ZNF687: variants seen among roughly 807,000 people sequenced by gnomAD.
ZNF687 encodes zinc finger protein 687.
A neutral mutation model predicts 71.8 loss-of-function variants in ZNF687; 13 were observed. That is an observed-to-expected ratio of 0.18 (90% CI 0.12 to 0.29). The LOEUF (loss-of-function observed/expected upper bound fraction) is 0.29. Ranked by LOEUF, ZNF687 falls within the 10% of genes least tolerant of loss-of-function variation. ZNF687 has a pLI of 1.00. For synonymous variants in ZNF687, 673 were observed against 641.6 expected (o/e 1.05, Z -0.74); for missense variants, 1,412 against 1,625.6 (o/e 0.87, Z 2.26).
chr1:151,287,699 G>A lies in ZNF687; in HGVS notation c.1408G>A (p.Val470Met). 1.9e-6 allele frequency: 3 copies of A among 1,613,704 alleles called. No individual in the cohort carries two copies. The highest frequency in any genetic ancestry group is 2.5e-6 in the Non-Finnish European group (3 of 1,179,860). Residue 470 changes from valine to methionine, a missense_variant, in exon 2 of 9, where the codon GTG (valine) becomes ATG (methionine). Around this residue, in one of 8 missense-constraint regions of ZNF687, gnomAD observed 133 missense variants for 155.1 expected, o/e 0.86. Coordinates refer to ENST00000336715, the MANE Select transcript of ZNF687 (RefSeq NM_020832.3). The surrounding 1 kb of genome is among the most constrained non-coding windows in gnomAD (Gnocchi z 5.0). ...TGGQKVNGASVVMVQPSKTAT... is the reference protein window; with the variant it reads ...TGGQKVNGASMVMVQPSKTAT... ...GGGACAGAAGGTGAATGGTGCCTCG[G>A]TGGTGATGGTGCAACCTTCAAAGAC...
chr1:151,287,376 G>C lies in ZNF687; in HGVS notation c.1085G>C (p.Gly362Ala), dbSNP rs767360325. ...DPDPPAPLAEGAFLAEASLLK... is the reference protein window; with the variant it reads ...DPDPPAPLAEAAFLAEASLLK... ...GATCCACCTGCCCCCTTGGCTGAGG[G>C]GGCCTTCTTGGCTGAGGCTAGCCTC... The change falls in exon 2 of 9, where the codon GGG (glycine) becomes GCG (alanine). Residue 362 changes from glycine (G) to alanine (A), a missense_variant. Around this residue, in one of 8 missense-constraint regions of ZNF687, gnomAD observed 490 missense variants for 489.9 expected, o/e 1.00. Transcript: ENST00000336715. The surrounding 1 kb of genome is among the most constrained non-coding windows in gnomAD (Gnocchi z 5.0). 1.9e-6 allele frequency: 3 copies of C among 1,614,160 alleles called. No homozygotes were observed. In the East Asian group the frequency reaches 6.7e-5, roughly 36 times the overall value.
chr1:151,290,675 G>A (rs1481216769), intron 8 of ZNF687, 40 bp from the exon 9 acceptor site: 1 of 1,581,412 alleles, frequency 6.3e-7, no homozygotes, highest in Admixed American at 1.8e-5. Flanking sequence ...AGGGACAGTA[G>A]GGGTGGTGGT....
In ZNF687 at chr1:151,286,944, T is replaced by C. The variant is rs772151607; in HGVS notation, c.653T>C (p.Leu218Ser). The change falls in exon 2 of 9, where the codon TTG (leucine) becomes TCG (serine). Residue 218 changes from leucine (L) to serine (S), a missense_variant. Coordinates refer to ENST00000336715, the MANE Select transcript of ZNF687 (RefSeq NM_020832.3). The part of the protein sequence containing the change: ...GMQPPVSSPP[L>S]GALKQESCSP... ...CAGCCACCTGTTTCTTCCCCACCATTGGGGGCCTTGAAGCAGGAGAGCTGC... is the reference window on the plus strand; with the variant it reads ...CAGCCACCTGTTTCTTCCCCACCATCGGGGGCCTTGAAGCAGGAGAGCTGC... 11 of 1,611,484 alleles carry C rather than the reference T, an allele frequency of 6.8e-6. No individual in the cohort carries two copies. In the East Asian group the frequency reaches 1.8e-4, roughly 26 times the overall value.
chr1:151,284,726 T>TA (rs1408316204), intron 1 of ZNF687, among the ~76,000 whole-genome samples: 1 of 152,052 alleles, frequency 6.6e-6, no homozygotes, highest in Non-Finnish European at 1.5e-5. Flanking sequence ...GTGGGATTCT[T>TA]ACATTAGCAA....
chr1:151,287,966 A>G lies in ZNF687; in HGVS notation c.1675A>G (p.Ile559Val), dbSNP rs1407903784. The stretch of plus-strand genomic sequence containing the variant: ...GCACTATGACCGTCGGAGCATGCGC[A>G]TCGAGGTCACCTGCAACCACTGCGC... ...ARHYDRRSMR[I>V]EVTCNHCARR... Residue 559 changes from isoleucine to valine, a missense_variant, in exon 2 of 9, where the codon ATC (isoleucine) becomes GTC (valine). By Grantham distance (29) the Ile-to-Val change is conservative. Transcript: ENST00000336715. This position sits in a 1 kb window ranked among gnomAD's most constrained non-coding sequence, Gnocchi z 5.0. 6.2e-6 allele frequency: 10 copies of G among 1,613,706 alleles called. No homozygotes were observed. Among genetic ancestry groups the G allele is most frequent in the African/African-American group, 1.3e-5 (1 of 74,884 alleles).
Position 151,289,830 on chromosome 1 carries a change from G to A in ZNF687, c.2787G>A (p.Glu929=), listed in dbSNP as rs759674876. The change falls in exon 6 of 9, where the codon GAG becomes GAA. Residue 929 remains glutamate, a synonymous_variant. Transcript: ENST00000336715. ...TEESSSSSEE[E]EVPSSPEPPR... ...AGTCGTCTTCATCTTCAGAAGAGGAGGAAGTACCCAGCTCCCCTGAGCCCC... is the reference window on the plus strand; with the variant it reads ...AGTCGTCTTCATCTTCAGAAGAGGAAGAAGTACCCAGCTCCCCTGAGCCCC... The A allele has an allele frequency of 6.4e-7, 1 of 1,569,846 alleles. No homozygotes were observed. The highest frequency in any genetic ancestry group is 1.2e-5 in the South Asian group (1 of 85,892).
At position 151,291,557 on chromosome 1, in the gene ZNF687, C is replaced by T. The variant is rs1349982328; in HGVS notation, c.*348C>T. The T allele has an allele frequency of 9.2e-6, 2 of 218,484 alleles. No homozygotes were observed. The highest frequency in any genetic ancestry group is 1.8e-5 in the Non-Finnish European group (2 of 109,048). 13.5% of individuals were successfully genotyped at this position (218,484 alleles called of 1,614,324 possible). A position where few individuals can be genotyped will look rare whatever the true frequency, so the allele number is the denominator to read the frequency against. ...TTCAGGGAAGGACTGATGGGGGTGTCATGGATGGACACACCTCTCCACAAT... is the reference window on the plus strand; with the variant it reads ...TTCAGGGAAGGACTGATGGGGGTGTTATGGATGGACACACCTCTCCACAAT... On this transcript the variant is annotated 3_prime_UTR_variant, in exon 9 of 9. Transcript: ENST00000336715.
At chr1:151,290,299 C>T (rs376351147) in intron 7 of ZNF687, 65 bp downstream of exon 7, 1 of 1,607,678 alleles carries the variant, frequency 6.2e-7, no homozygotes, top group African/African-American at 1.3e-5. Context: ...GCCAAAGTAC[C>T]TGTGCACCTG....
intron 1 of ZNF687, chr1:151,284,353 TG>T: frequency 3.8e-6 from 3 of 795,590 alleles, no homozygotes; most frequent in Non-Finnish European, 3.0e-6. Context: ...CCAGGCACTC[TG>T]GGGAAGGTAG....
chr1:151,283,567 G>A (rs1693819358), intron 1 of ZNF687, among the ~76,000 whole-genome samples: 1 of 152,068 alleles, frequency 6.6e-6, no homozygotes, highest in Non-Finnish European at 1.5e-5. Context: ...GGAGGTGGCT[G>A]GCGGGGTGTG....
In ZNF687 at chr1:151,288,651, T is replaced by A; in HGVS notation, c.2239T>A (p.Phe747Ile). ...ECGGNFLQAN[F>I]QTHLREACLH... ...TGGGGGCAACTTCCTGCAAGCCAAT[T>A]TTCAGACCCATCTCCGGGAGGCCTG... Residue 747 changes from phenylalanine to isoleucine, a missense_variant, in exon 3 of 9, where the codon TTT (phenylalanine) becomes ATT (isoleucine). Physicochemically the swap from Phe to Ile is conservative, Grantham distance 21. This residue lies in a region of ZNF687 where 207 missense variants were observed against 239.2 expected (regional missense o/e 0.87). Transcript: ENST00000336715. The A allele has an allele frequency of 6.2e-7, 1 of 1,614,064 alleles. No homozygotes were observed. Among genetic ancestry groups the A allele is most frequent in the Non-Finnish European group, 8.5e-7 (1 of 1,179,992 alleles).
rs1184194703 is a variant in ZNF687 at position 151,286,624 on chromosome 1, G to A, written c.333G>A (p.Gly111=). The A allele has an allele frequency of 6.2e-7, 1 of 1,614,170 alleles. No individual in the cohort carries two copies. Residue 111 remains glycine (G), a synonymous_variant, in exon 2 of 9, where the codon GGG becomes GGA. Transcript: ENST00000336715. ...GSAGDGAQAA[G]VTKEGPVGPH... ...CAGGAGACGGGGCCCAGGCTGCTGG[G>A]GTAACTAAAGAAGGGCCTGTGGGGC...
Position 151,289,384 on chromosome 1 carries a change from C to A in ZNF687, c.2478C>A (p.Ile826=), listed in dbSNP as rs750441352. The change falls in exon 5 of 9, where the codon ATC becomes ATA. Residue 826 remains isoleucine (I), a synonymous_variant. Transcript: ENST00000336715. The part of the protein sequence containing the change: ...PSFQTQQAKL[I]YKCAMCDTVF... ...TGCACTGTCCTCACTTCAGGCTGATCTACAAGTGCGCCATGTGCGACACAG... is the reference window on the plus strand; with the variant it reads ...TGCACTGTCCTCACTTCAGGCTGATATACAAGTGCGCCATGTGCGACACAG... 3.7e-6 allele frequency: 6 copies of A among 1,614,190 alleles called. No homozygotes were observed. The highest frequency in any genetic ancestry group is 1.3e-5 in the African/African-American group (1 of 75,076).
At chr1:151,284,749 C>T (rs1693869585) in intron 1 of ZNF687, among the ~76,000 whole-genome samples, 1 of 150,218 alleles carries the variant, frequency 6.7e-6, no homozygotes, top group Non-Finnish European at 1.5e-5. Flanking sequence ...TTGTATTATG[C>T]TCAGAATAAC....
At chr1:151,288,806 C>T in intron 3 of ZNF687, 100 bp downstream of exon 3, 1 of 1,366,174 alleles carries the variant, frequency 7.3e-7, no homozygotes, top group Non-Finnish European at 1.0e-6. Context: ...TGCTATATCC[C>T]TCAGCCCTGT....
chr1:151,282,080 G>T, upstream of ZNF687: 2 of 1,285,890 alleles, frequency 1.6e-6, no homozygotes, highest in Non-Finnish European at 1.0e-6. Flanking sequence ...ATGGGGAGAG[G>T]TATCTTCAGA....
chr1:151,290,316 G>A, intron 7 of ZNF687, 82 bp downstream of exon 7: 1 of 1,608,648 alleles, frequency 6.2e-7, no homozygotes, highest in Non-Finnish European at 8.5e-7. Context: ...CCTGCGACGT[G>A]TCTAAGTGGC....
chr1:151,281,958 C>G, upstream of ZNF687: 2 of 1,174,628 alleles, frequency 1.7e-6, no homozygotes, highest in South Asian at 1.5e-5. Flanking sequence ...CTGGGTGCTC[C>G]CCCTTCCAGT....
chr1:151,288,285 CG>C lies in ZNF687; in HGVS notation c.1996del (p.Ala666ProfsTer47). ...CTCTCCACAGAGCCGCCTGCTGCCC[CG>C]GCCACCTCTGCTTACACATGCTTTC... is the stretch of plus-strand genomic sequence containing the variant. Reference protein sequence around the residue: ...LPLSTEPPAAPATSAYTCFRC... With the variant: ...LPLSTEPPAAXATSAYTCFRC... On this transcript the variant is annotated frameshift_variant, in exon 2 of 9. Transcript: ENST00000336715. LOFTEE classifies it high-confidence loss of function. 1 of 1,613,522 alleles carries C rather than the reference CG, an allele frequency of 6.2e-7. No homozygotes were observed. The highest frequency in any genetic ancestry group is 8.5e-7 in the Non-Finnish European group (1 of 1,179,994).
Sources: gnomAD v4.1 joint callset for allele counts (sites outside exome capture counted in the v4.1 genomes callset) on GRCh38, gnomAD v4.1.1 for gene constraint, gnomAD v4.1.1 regional missense constraint, Gnocchi (gnomAD v3.1) non-coding constraint, MANE v1.5 for transcripts, NCBI Gene and HGNC (gene_info 2026-07-23, HGNC 2026-07-21) for gene names.